FYB1: variants seen among roughly 807,000 people sequenced by gnomAD.
The protein encoded by FYB1 is FYN-binding protein 1.
In FYB1, 41 loss-of-function variants were observed where a neutral mutation model predicts 94.1. That is an observed-to-expected ratio of 0.44 (90% CI 0.34 to 0.57). The LOEUF (loss-of-function observed/expected upper bound fraction) is 0.57. Among genes scored for constraint, FYB1 ranks in the 20% least tolerant of loss-of-function variants. The pLI is 0.02. For missense variants in FYB1, 1,050 were observed against 976.8 expected, an observed-to-expected ratio of 1.07 and a Z score of -1.00; for synonymous variants, 367 against 353.2, an observed-to-expected ratio of 1.04 and a Z score of -0.44.
intron 2 of FYB1, among the ~76,000 whole-genome samples, chr5:39,168,021 C>T (rs1202808230): frequency 7.2e-5 from 11 of 152,282 alleles, no homozygotes; most frequent in South Asian, 2.1e-4. Context: ...AATGTTAATT[C>T]TCTTCCCTTA....
chr5:39,148,133 A>G (rs1167452619), intron 3 of FYB1, among the ~76,000 whole-genome samples: 1 of 129,086 alleles, frequency 7.7e-6, no homozygotes, highest in Non-Finnish European at 1.6e-5. Flanking sequence ...CCTTATCATT[A>G]TATGTATATT....
intron 3 of FYB1, among the ~76,000 whole-genome samples, chr5:39,152,080 T>A (rs376899177): frequency 9.5e-6 from 1 of 105,038 alleles, no homozygotes; most frequent in East Asian, 2.6e-4. Flanking sequence ...TCTTTCACTA[T>A]ACATATTTTC....
chr5:39,160,406 T>A (rs1744142161), intron 2 of FYB1, among the ~76,000 whole-genome samples: 1 of 152,134 alleles, frequency 6.6e-6, no homozygotes, highest in Non-Finnish European at 1.5e-5. Context: ...AATCCTAGAT[T>A]TGTTCGAGAA....
chr5:39,148,187 A>T lies in FYB1; in HGVS notation c.1292+5261T>A, dbSNP rs1207588546. Among the ~76,000 whole-genome samples the T allele has an allele frequency of 4.8e-4, 34 of 70,416 alleles. 1 individual carries two copies. Among genetic ancestry groups the T allele is most frequent in the Non-Finnish European group, 6.2e-4 (24 of 38,858 alleles). The allele number at this position is 70,416 out of a possible 152,430, so 46.2% of individuals were successfully genotyped here. On this transcript the variant is annotated intron_variant, in intron 3 of 18. Transcript: ENST00000512982. ...TATATATATATATATATATATATATATATATATATATATATATATATTTGT... is the reference window on the plus strand; with the variant it reads ...TATATATATATATATATATATATATTTATATATATATATATATATATTTGT...
chr5:39,164,727 A>C lies in FYB1; in HGVS notation c.1136-11123T>G, dbSNP rs75250346. Reference sequence around the variant, plus strand: ...ACCATGACTGGCCTGTGCTACATTAATTTATGACATACACCCTTTTTAAGT... The same window carrying C: ...ACCATGACTGGCCTGTGCTACATTACTTTATGACATACACCCTTTTTAAGT... On this transcript the variant is annotated intron_variant, in intron 2 of 18. Coordinates refer to ENST00000512982, the MANE Select transcript of FYB1 (RefSeq NM_001465.6). Among the ~76,000 whole-genome samples the C allele has an allele frequency of 3.0e-3, 462 of 152,264 alleles. 3 individuals carry two copies. The highest frequency in any genetic ancestry group is 0.011 in the African/African-American group (454 of 41,564).
In FYB1 at chr5:39,182,983, C is replaced by T. The variant is rs562980823; in HGVS notation, c.1135+18843G>A. 2.0e-5 allele frequency among the ~76,000 whole-genome samples: 3 copies of T among 152,284 alleles called. No individual in the cohort carries two copies. In the South Asian group the frequency reaches 6.2e-4, roughly 32 times the overall value. ...GCAAAACTAAGTTGACAAAGTTTGT[C>T]TTCAAAAGTCCTTGTGTCTCCTATA... On this transcript the variant is annotated intron_variant, in intron 2 of 18. Transcript: ENST00000512982.
intron 13 of FYB1, 74 bp downstream of exon 13, chr5:39,124,179 A>T: frequency 2.0e-6 from 2 of 985,458 alleles, no homozygotes; most frequent in South Asian, 1.6e-5. Context: ...TGCAGATACT[A>T]TATCCAGAGC....
intron 1 of FYB1, among the ~76,000 whole-genome samples, chr5:39,269,280 A>G (rs1411199017): frequency 3.3e-5 from 5 of 150,318 alleles, no homozygotes; most frequent in Non-Finnish European, 4.4e-5. Context: ...CGATCTCCTG[A>G]CCTCGTGATC....
intron 1 of FYB1, among the ~76,000 whole-genome samples, chr5:39,248,661 AC>A (rs1312280703): frequency 6.6e-6 from 1 of 152,150 alleles, no homozygotes; most frequent in Non-Finnish European, 1.5e-5. Flanking sequence ...ACATGGCGAA[AC>A]CCCGTCTCTA....
chr5:39,220,158 C>T (rs1750170660), upstream of FYB1, among the ~76,000 whole-genome samples: 1 of 151,910 alleles, frequency 6.6e-6, no homozygotes. Context: ...CCTGTAATCC[C>T]GGTACTTTGG....
chr5:39,113,060 T>C (rs546846121), intron 16 of FYB1, among the ~76,000 whole-genome samples: 15 of 152,138 alleles, frequency 9.9e-5, no homozygotes, highest in Non-Finnish European at 2.2e-4. Context: ...TTTTCCTGTC[T>C]AGTACCTTTA....
At chr5:39,211,322 CTTTTTT>C (rs70982549) in intron 1 of FYB1, among the ~76,000 whole-genome samples, 1 of 118,518 alleles carries the variant, frequency 8.4e-6, no homozygotes, top group Admixed American at 8.5e-5. Flanking sequence ...CTTTTCTTTT[CTTTTTT>C]TTTTTTTTTT....
chr5:39,227,243 G>A (rs961740745), intron 1 of FYB1, among the ~76,000 whole-genome samples: 19 of 146,992 alleles, frequency 1.3e-4, no homozygotes, highest in African/African-American at 4.9e-4. Context: ...CATAACTCTT[G>A]GTTGGATTCT....
At chr5:39,145,819 G>T (rs1742592876) in intron 3 of FYB1, among the ~76,000 whole-genome samples, 1 of 151,490 alleles carries the variant, frequency 6.6e-6, no homozygotes. Flanking sequence ...CTGGTTTCTT[G>T]TTCCTTCATG....
intron 1 of FYB1, among the ~76,000 whole-genome samples, chr5:39,272,876 T>C (rs1025870034): frequency 6.6e-6 from 1 of 152,214 alleles, no homozygotes; most frequent in Non-Finnish European, 1.5e-5. Context: ...GTTGTGCTTA[T>C]TTCCAAATGC....
At chr5:39,270,663 G>A in intron 1 of FYB1, 1 of 1,276,268 alleles carries the variant, frequency 7.8e-7, no homozygotes, top group Non-Finnish European at 1.1e-6. Context: ...TATGCAGAGT[G>A]TACTTCCTTT....
At chr5:39,165,928 A>G (rs1395094554) in intron 2 of FYB1, among the ~76,000 whole-genome samples, 1 of 152,258 alleles carries the variant, frequency 6.6e-6, no homozygotes, top group African/African-American at 2.4e-5. Flanking sequence ...GCAATGAGAT[A>G]TCATCGTACA....
intron 1 of FYB1, among the ~76,000 whole-genome samples, chr5:39,267,457 G>A (rs1323315896): frequency 6.6e-6 from 1 of 151,976 alleles, no homozygotes; most frequent in African/African-American, 2.4e-5. Context: ...AGTGACTTAT[G>A]GAAAACAAGT....
intron 16 of FYB1, among the ~76,000 whole-genome samples, chr5:39,115,357 A>T (rs1330250697): frequency 6.6e-6 from 1 of 152,128 alleles, no homozygotes; most frequent in African/African-American, 2.4e-5. Context: ...CGCCTCCCAA[A>T]GTCCTGGGAT....
Sources: gnomAD v4.1 joint callset for allele counts (sites outside exome capture counted in the v4.1 genomes callset) on GRCh38, gnomAD v4.1.1 for gene constraint, MANE v1.5 for transcripts, NCBI Gene and HGNC (gene_info 2026-07-23, HGNC 2026-07-21) for gene names.